The following BAIAP2L1 variants were observed in gnomAD, a reference collection of about 807,000 sequenced individuals.
The protein encoded by BAIAP2L1 is BAR/IMD domain-containing adapter protein 2-like 1.
Under a neutral mutation model 66.3 loss-of-function variants are expected in BAIAP2L1, and 35 were observed. The ratio of observed to expected loss-of-function variants is 0.53; its 90% CI spans 0.40 to 0.70. The LOEUF is 0.70. Ranked by LOEUF, BAIAP2L1 falls within the 30% of genes least tolerant of loss-of-function variation. BAIAP2L1 has a pLI of 0.00. For synonymous variants in BAIAP2L1, 269 were observed against 248.7 expected, an observed-to-expected ratio of 1.08 and a Z score of -0.77; for missense variants, 622 against 656.9, an observed-to-expected ratio of 0.95 and a Z score of 0.58.
chr7:98,393,839 C>T (rs1385341347), intron 1 of BAIAP2L1, among the ~76,000 whole-genome samples: 1 of 150,776 alleles, frequency 6.6e-6, no homozygotes, highest in Non-Finnish European at 1.5e-5. Flanking sequence ...GTGAGGGGCT[C>T]ATGCCTGTAA....
At chr7:98,374,240 C>T (rs6465677) in intron 1 of BAIAP2L1, among the ~76,000 whole-genome samples, 61,475 of 152,000 alleles carry the variant, frequency 0.4, 13,381 homozygotes, top group Middle Eastern at 0.55. Context: ...TGAGCCACCA[C>T]ATCTGGCCCT....
intron 11 of BAIAP2L1, among the ~76,000 whole-genome samples, 172 bp from the exon 12 acceptor site, chr7:98,304,548 TA>T (rs1353783929): frequency 6.6e-6 from 1 of 152,028 alleles, no homozygotes; most frequent in Non-Finnish European, 1.5e-5. Context: ...CAAAACACTG[TA>T]TTTTTTAAAT....
chr7:98,360,596 T>G (rs1175264563), intron 2 of BAIAP2L1, among the ~76,000 whole-genome samples: 1 of 151,668 alleles, frequency 6.6e-6, no homozygotes, highest in Non-Finnish European at 1.5e-5. Context: ...CTGGCTCACC[T>G]TGTAAAACTC....
chr7:98,311,765 G>A (rs561130255), intron 8 of BAIAP2L1, among the ~76,000 whole-genome samples: 2 of 152,114 alleles, frequency 1.3e-5, no homozygotes, highest in Admixed American at 1.3e-4. Flanking sequence ...AATTAGCCAG[G>A]CATGGTGGTG....
At position 98,310,263 on chromosome 7, in the gene BAIAP2L1, C is replaced by T. The variant is rs578097481; in HGVS notation, c.955+182G>A. On this transcript the variant is annotated intron_variant, in intron 9 of 13. Transcript: ENST00000005260. ...AAATGTATCACTTATCAGAGCGTCT[C>T]ACAGTCTAGTCCTGTATTTCTTCTG... 192 of 575,730 alleles carry T rather than the reference C, an allele frequency of 3.3e-4. 5 individuals carry two copies. In the South Asian group the frequency reaches 4.5e-3, roughly 13 times the overall value. 35.7% of individuals were successfully genotyped at this position (575,730 alleles called of 1,614,324 possible). A position where few individuals can be genotyped will look rare whatever the true frequency, so the allele number is the denominator to read the frequency against.
At chr7:98,346,140 T>C (rs1801868906) in intron 3 of BAIAP2L1, among the ~76,000 whole-genome samples, 1 of 152,136 alleles carries the variant, frequency 6.6e-6, no homozygotes, top group Non-Finnish European at 1.5e-5. Flanking sequence ...CTCAAGCTGC[T>C]ATAAAAATAA....
At chr7:98,326,136 G>A (rs1430066681) in intron 3 of BAIAP2L1, among the ~76,000 whole-genome samples, 3 of 152,112 alleles carry the variant, frequency 2.0e-5, no homozygotes. Context: ...GATAAGCTAG[G>A]TGTGGTGGTG....
In BAIAP2L1 at chr7:98,359,090, C is replaced by T. The variant is rs528750768; in HGVS notation, c.127+3267G>A. On this transcript the variant is annotated intron_variant, in intron 2 of 13. Transcript: ENST00000005260. ...GCTGCATCCAGCCCACAGCCCCACA[C>T]GGGCCGCAGAAGACTGCAGGTGCAG... is the stretch of plus-strand genomic sequence containing the variant. Among the ~76,000 whole-genome samples, 11 of 152,316 alleles carry T rather than the reference C, an allele frequency of 7.2e-5. No individual in the cohort carries two copies. The East Asian group carries it at 1.4e-3, about 19-fold the overall frequency.
chr7:98,328,018 GTTTT>G (rs377766958), intron 3 of BAIAP2L1, among the ~76,000 whole-genome samples: 1 of 145,474 alleles, frequency 6.9e-6, no homozygotes, highest in Non-Finnish European at 1.5e-5. Flanking sequence ...CCCGAACATT[GTTTT>G]TTTTTTTGGA....
intron 1 of BAIAP2L1, among the ~76,000 whole-genome samples, chr7:98,390,408 TTATAA>T (rs201044299): frequency 0.013 from 1,925 of 152,120 alleles, 44 homozygotes; most frequent in African/African-American, 0.044. Flanking sequence ...ACATTAAATA[TTATAA>T]AAGTAAGCAA....
rs181662727 is a variant in BAIAP2L1 at position 98,395,861 on chromosome 7, T to C, written c.51+4941A>G. Among the ~76,000 whole-genome samples, 25 of 152,080 alleles carry C rather than the reference T, an allele frequency of 1.6e-4. No individual in the cohort carries two copies. In the Middle Eastern group the frequency reaches 0.02, roughly 124 times the overall value. ...GCCTGGGCAACACAGTGAGACACCA[T>C]CTCTACCAAAAATAAAAAATTAGCC... On this transcript the variant is annotated intron_variant, in intron 1 of 13. Coordinates refer to ENST00000005260, the MANE Select transcript of BAIAP2L1 (RefSeq NM_018842.5).
intron 13 of BAIAP2L1, among the ~76,000 whole-genome samples, chr7:98,293,812 C>T (rs1380929657): frequency 2.0e-5 from 3 of 152,218 alleles, no homozygotes; most frequent in Non-Finnish European, 2.9e-5. Flanking sequence ...AGGTTTTAAG[C>T]GTTCTGGACG....
At chr7:98,304,408 G>A in intron 11 of BAIAP2L1, 32 bp from the exon 12 acceptor site, 14 of 1,609,514 alleles carry the variant, frequency 8.7e-6, no homozygotes, top group African/African-American at 1.3e-5. Flanking sequence ...GCACGTGTTA[G>A]ATAATGTCTC....
chr7:98,385,757 T>C (rs747167139), intron 1 of BAIAP2L1: 5 of 1,335,330 alleles, frequency 3.7e-6, no homozygotes, highest in Admixed American at 2.1e-5. Context: ...TTTTCACAAA[T>C]AGCACTCTTT....
intron 1 of BAIAP2L1, among the ~76,000 whole-genome samples, chr7:98,383,617 AC>A (rs1181997957): frequency 6.6e-6 from 1 of 152,006 alleles, no homozygotes; most frequent in East Asian, 1.9e-4. Context: ...TAACATTTCA[AC>A]CAGAATCTGA....
At chr7:98,353,495 C>A (rs1802047073) in intron 3 of BAIAP2L1, among the ~76,000 whole-genome samples, 2 of 128,276 alleles carry the variant, frequency 1.6e-5, no homozygotes, top group Non-Finnish European at 3.1e-5. Context: ...TATAAATACA[C>A]ATATATTTAT....
chr7:98,386,237 G>C, intron 1 of BAIAP2L1: 2 of 1,568,558 alleles, frequency 1.3e-6, no homozygotes, highest in Non-Finnish European at 8.7e-7. Flanking sequence ...ATCATTGTCT[G>C]CCATTTTTTG....
At chr7:98,315,157 T>C (rs1029418767) in intron 7 of BAIAP2L1, among the ~76,000 whole-genome samples, 16 of 152,228 alleles carry the variant, frequency 1.1e-4, no homozygotes, top group African/African-American at 3.6e-4. Flanking sequence ...GGTCCCGCTC[T>C]GTTGCTCAGG....
chr7:98,364,670 AT>A (rs1229598100), intron 1 of BAIAP2L1, among the ~76,000 whole-genome samples: 2 of 151,716 alleles, frequency 1.3e-5, no homozygotes, highest in Admixed American at 6.6e-5. Flanking sequence ...GATTGAAACT[AT>A]TTTCCTTAGA....
Sources: gnomAD v4.1 joint callset for allele counts (sites outside exome capture counted in the v4.1 genomes callset) on GRCh38, gnomAD v4.1.1 for gene constraint, MANE v1.5 for transcripts, NCBI Gene and HGNC (gene_info 2026-07-23, HGNC 2026-07-21) for gene names.